The following BACH2 variants were observed in gnomAD, a reference collection of about 807,000 sequenced individuals.
BACH2 encodes BACH transcriptional regulator 2.
A neutral mutation model predicts 61.8 loss-of-function variants in BACH2; 5 were observed. The observed-to-expected ratio is 0.08, with a 90% CI of 0.04 to 0.17. The LOEUF is 0.17. BACH2 is among the 10% of genes least tolerant of loss of function. The pLI is 1.00. For missense variants in BACH2, 824 were observed against 1,091.1 expected (o/e 0.76, Z 3.45); for synonymous variants, 446 against 440.1 (o/e 1.01, Z -0.17).
At chr6:90,062,022 G>A (rs1396422398) in intron 5 of BACH2, among the ~76,000 whole-genome samples, 2 of 152,080 alleles carry the variant, frequency 1.3e-5, no homozygotes, top group Non-Finnish European at 2.9e-5. Context: ...TTTTTCCTGG[G>A]GCAGTATTAA....
At chr6:90,292,288 T>C (rs1406226547) in intron 1 of BACH2, among the ~76,000 whole-genome samples, 1 of 152,218 alleles carries the variant, frequency 6.6e-6, no homozygotes, top group Non-Finnish European at 1.5e-5. Context: ...ATCAATGAAG[T>C]ACATTCAGGC....
chr6:89,937,538 A>AT (rs894098119), intron 8 of BACH2, among the ~76,000 whole-genome samples: 10 of 151,266 alleles, frequency 6.6e-5, no homozygotes, highest in South Asian at 4.2e-4. Flanking sequence ...TTATTTATTC[A>AT]TTTTTTTTTG....
intron 4 of BACH2, among the ~76,000 whole-genome samples, chr6:90,125,483 C>T (rs574470798): frequency 6.6e-6 from 1 of 152,326 alleles, no homozygotes; most frequent in African/African-American, 2.4e-5. Context: ...TAACCACCCT[C>T]CCAGGTAGGC....
chr6:90,153,232 T>C (rs1784889377), intron 4 of BACH2, among the ~76,000 whole-genome samples: 1 of 152,182 alleles, frequency 6.6e-6, no homozygotes, highest in Non-Finnish European at 1.5e-5. Context: ...AAAGTACTGG[T>C]ATCAATTCAT....
chr6:90,076,679 C>T (rs1303866348), intron 5 of BACH2, among the ~76,000 whole-genome samples: 2 of 152,136 alleles, frequency 1.3e-5, no homozygotes, highest in Non-Finnish European at 2.9e-5. Context: ...CCTCGGTACC[C>T]TGTGCAGTAC....
rs1217104230 is a variant in BACH2, at chr6:90,035,284, C to G, written c.-12-26428G>C. On this transcript the variant is annotated intron_variant, in intron 5 of 8. Transcript: ENST00000257749. ...CACTCAGCTGCTAGAAATACTCACT[C>G]TGCTCTGCTTGCATTCCATGGGAAA... Among the ~76,000 whole-genome samples, 3 of 152,254 alleles carry G rather than the reference C, an allele frequency of 2.0e-5. No homozygotes were observed. The South Asian group carries it at 6.2e-4, about 32-fold the overall frequency.
intron 5 of BACH2, among the ~76,000 whole-genome samples, chr6:90,071,250 C>T (rs2127801551): frequency 6.6e-6 from 1 of 152,280 alleles, no homozygotes. Context: ...GGCATGAGAC[C>T]TCTTTTGTCA....
chr6:90,024,397 T>C (rs1261042019), intron 5 of BACH2, among the ~76,000 whole-genome samples: 5 of 152,132 alleles, frequency 3.3e-5, no homozygotes, highest in Non-Finnish European at 7.4e-5. Context: ...ATGGGCCAAA[T>C]ACAGGGATGA....
At chr6:90,058,508 T>C (rs1411442518) in intron 5 of BACH2, among the ~76,000 whole-genome samples, 1 of 152,202 alleles carries the variant, frequency 6.6e-6, no homozygotes, top group Non-Finnish European at 1.5e-5. Flanking sequence ...TCCATGCTCA[T>C]GGGTAGGAAG....
At chr6:90,123,764 C>T (rs1181102610) in intron 4 of BACH2, among the ~76,000 whole-genome samples, 5 of 93,144 alleles carry the variant, frequency 5.4e-5, no homozygotes, top group Admixed American at 5.3e-4. Context: ...AGCGAGACTC[C>T]GTCTCAAAAA....
intron 6 of BACH2, among the ~76,000 whole-genome samples, chr6:89,969,930 A>G (rs1219679219): frequency 6.6e-6 from 1 of 152,220 alleles, no homozygotes; most frequent in Non-Finnish European, 1.5e-5. Context: ...CTGCTAAGTT[A>G]GAGTAAGAGA....
chr6:90,079,090 C>T (rs1358698223), intron 5 of BACH2, among the ~76,000 whole-genome samples: 1 of 152,210 alleles, frequency 6.6e-6, no homozygotes, highest in Non-Finnish European at 1.5e-5. Flanking sequence ...ACAAATTTCC[C>T]TGTGAATGCT....
chr6:90,262,809 GA>G (rs1373498391), intron 2 of BACH2, among the ~76,000 whole-genome samples: 1 of 152,172 alleles, frequency 6.6e-6, no homozygotes, highest in Admixed American at 6.5e-5. Flanking sequence ...TATCCCAAGG[GA>G]CACGCATTAA....
intron 3 of BACH2, among the ~76,000 whole-genome samples, chr6:90,226,176 CAG>C (rs1769907512): frequency 6.6e-6 from 1 of 152,124 alleles, no homozygotes; most frequent in Non-Finnish European, 1.5e-5. Context: ...GTGGTGGCCA[CAG>C]CATGAATAGC....
intron 5 of BACH2, among the ~76,000 whole-genome samples, chr6:90,081,769 C>A (rs1338836670): frequency 6.6e-6 from 1 of 152,110 alleles, no homozygotes; most frequent in Non-Finnish European, 1.5e-5. Flanking sequence ...ATTCTACGGA[C>A]ATAAAGTTTG....
chr6:89,952,989 C>G (rs1243570237), intron 6 of BACH2: 2 of 152,218 alleles, frequency 1.3e-5, no homozygotes, highest in Non-Finnish European at 2.9e-5. Flanking sequence ...GAAGGTGACG[C>G]ATGTCTACAA....
At chr6:90,141,230 G>C (rs1320343388) in intron 4 of BACH2, among the ~76,000 whole-genome samples, 2 of 152,150 alleles carry the variant, frequency 1.3e-5, no homozygotes, top group Non-Finnish European at 2.9e-5. Flanking sequence ...CTCCAGGCTG[G>C]AGTGCAGGGG....
chr6:90,284,755 A>C (rs536040951), intron 1 of BACH2, among the ~76,000 whole-genome samples: 1 of 152,302 alleles, frequency 6.6e-6, no homozygotes, highest in African/African-American at 2.4e-5. Flanking sequence ...AGCTCAAACT[A>C]ACATTTTCCA....
At chr6:89,985,183 A>G (rs1341048941) in intron 6 of BACH2, among the ~76,000 whole-genome samples, 2 of 152,242 alleles carry the variant, frequency 1.3e-5, no homozygotes, top group Admixed American at 6.5e-5. Flanking sequence ...CAGCACTGCT[A>G]TCTTTCCTGG....
Sources: gnomAD v4.1 joint callset for allele counts (sites outside exome capture counted in the v4.1 genomes callset) on GRCh38, gnomAD v4.1.1 for gene constraint, MANE v1.5 for transcripts, NCBI Gene and HGNC (gene_info 2026-07-23, HGNC 2026-07-21) for gene names.